The following CARMIL1 variants were observed in gnomAD, a reference collection of about 807,000 sequenced individuals.
CARMIL1 encodes the protein capping protein regulator and myosin 1 linker 1.
Under a neutral mutation model 177.1 loss-of-function variants are expected in CARMIL1, and 90 were observed. That is an observed-to-expected ratio of 0.51 (90% CI 0.43 to 0.61). CARMIL1 has a LOEUF of 0.61. CARMIL1 is among the 20% of genes least tolerant of loss of function. The pLI is 0.00. For synonymous variants in CARMIL1, 577 were observed against 606.2 expected, an observed-to-expected ratio of 0.95 and a Z score of 0.71; for missense variants, 1,380 against 1,667.0, an observed-to-expected ratio of 0.83 and a Z score of 3.00.
At chr6:25,306,348 A>C (rs1237640108) in intron 2 of CARMIL1, among the ~76,000 whole-genome samples, 3 of 152,142 alleles carry the variant, frequency 2.0e-5, no homozygotes, top group Non-Finnish European at 4.4e-5. Flanking sequence ...ACCTCCTGTC[A>C]GATCAGCGGT....
intron 11 of CARMIL1, among the ~76,000 whole-genome samples, chr6:25,474,563 T>C (rs1464730891): frequency 6.6e-6 from 1 of 152,210 alleles, no homozygotes; most frequent in Non-Finnish European, 1.5e-5. Context: ...TCATCTAAAG[T>C]AGTGAATCTA....
chr6:25,538,012 T>C (rs746704311), intron 25 of CARMIL1, 29 bp downstream of exon 25: 3 of 1,564,756 alleles, frequency 1.9e-6, no homozygotes, highest in Non-Finnish European at 2.6e-6. Flanking sequence ...TGTGTGAGAG[T>C]CTGGTATAAT....
intron 2 of CARMIL1, among the ~76,000 whole-genome samples, chr6:25,315,503 A>T (rs532223002): frequency 6.8e-4 from 103 of 152,336 alleles, no homozygotes; most frequent in African/African-American, 2.4e-3. Flanking sequence ...GGGCCCGAGC[A>T]GGGCACTGGC....
At chr6:25,604,102 C>G (rs1407884180) in intron 33 of CARMIL1, among the ~76,000 whole-genome samples, 1 of 152,152 alleles carries the variant, frequency 6.6e-6, no homozygotes, top group South Asian at 2.1e-4. Context: ...GATAAGGTCT[C>G]GCTCTGTCAC....
At chr6:25,367,024 T>G (rs948391662) in intron 2 of CARMIL1, among the ~76,000 whole-genome samples, 2 of 152,212 alleles carry the variant, frequency 1.3e-5, no homozygotes, top group Admixed American at 1.3e-4. Context: ...CAGTTACTCA[T>G]AGTAGCATTC....
intron 2 of CARMIL1, among the ~76,000 whole-genome samples, chr6:25,355,717 G>A (rs1788527092): frequency 6.6e-6 from 1 of 152,100 alleles, no homozygotes; most frequent in African/African-American, 2.4e-5. Context: ...AAACCTCTCA[G>A]AATAAATGCC....
intron 2 of CARMIL1, among the ~76,000 whole-genome samples, chr6:25,412,993 A>T (rs566516797): frequency 5.2e-4 from 79 of 152,328 alleles, no homozygotes; most frequent in Non-Finnish European, 8.7e-4. Flanking sequence ...GATGATGTTC[A>T]TCATAGCTGA....
intron 5 of CARMIL1, among the ~76,000 whole-genome samples, chr6:25,444,283 G>A (rs1369444888): frequency 1.3e-5 from 2 of 150,322 alleles, no homozygotes; most frequent in African/African-American, 2.5e-5. Context: ...GTAAGTTTAC[G>A]AAATATTCTA....
At chr6:25,496,612 A>G (rs1019823050) in intron 16 of CARMIL1, among the ~76,000 whole-genome samples, 1 of 152,190 alleles carries the variant, frequency 6.6e-6, no homozygotes. Flanking sequence ...TAAACACCTC[A>G]TGATTTGGCC....
At chr6:25,615,321 A>G (rs571973564) in intron 36 of CARMIL1, among the ~76,000 whole-genome samples, 29 of 152,352 alleles carry the variant, frequency 1.9e-4, no homozygotes, top group African/African-American at 6.3e-4. Flanking sequence ...AGCATGCTGC[A>G]TATTTTTATC....
chr6:25,536,679 A>G (rs1270789930), intron 24 of CARMIL1, among the ~76,000 whole-genome samples: 2 of 152,196 alleles, frequency 1.3e-5, no homozygotes, highest in Non-Finnish European at 2.9e-5. Flanking sequence ...GCAGTGCTAC[A>G]GCAAGTAGAC....
rs75673308 is a variant in CARMIL1 at position 25,397,787 on chromosome 6, A to C, written c.139-22327A>C. On this transcript the variant is annotated intron_variant, in intron 2 of 36. Transcript: ENST00000329474. ...CTAATGGACTCCTAGGTATTCCATC[A>C]CTCAGCTTAATTTTCTCGGGGAATA... Among the ~76,000 whole-genome samples, 30 of 151,272 alleles carry C rather than the reference A, an allele frequency of 2.0e-4. No homozygotes were observed. The East Asian group carries it at 5.8e-3, about 29-fold the overall frequency.
intron 8 of CARMIL1, among the ~76,000 whole-genome samples, chr6:25,464,862 A>C (rs961061941): frequency 1.3e-5 from 2 of 152,138 alleles, no homozygotes; most frequent in Non-Finnish European, 2.9e-5. Context: ...TCTGAATGTG[A>C]AATTGCACAT....
At chr6:25,377,262 G>A (rs1230110429) in intron 2 of CARMIL1, among the ~76,000 whole-genome samples, 1 of 152,182 alleles carries the variant, frequency 6.6e-6, no homozygotes, top group African/African-American at 2.4e-5. Context: ...TGGCTGTTGG[G>A]GTAGAGCCAC....
intron 5 of CARMIL1, among the ~76,000 whole-genome samples, chr6:25,443,065 G>C (rs1327989514): frequency 6.6e-6 from 1 of 152,126 alleles, no homozygotes; most frequent in Non-Finnish European, 1.5e-5. Context: ...ATCATCAAAA[G>C]AGCATGGCCT....
intron 2 of CARMIL1, among the ~76,000 whole-genome samples, chr6:25,336,049 A>G (rs904438239): frequency 6.6e-6 from 1 of 152,022 alleles, no homozygotes; most frequent in Non-Finnish European, 1.5e-5. Context: ...TTGTTTTGCA[A>G]CTTGCTTCCT....
intron 2 of CARMIL1, among the ~76,000 whole-genome samples, chr6:25,349,270 T>C (rs1787860083): frequency 1.3e-5 from 2 of 152,176 alleles, no homozygotes; most frequent in African/African-American, 4.8e-5. Context: ...GGCTTTGCAA[T>C]GTAGGAGGAA....
chr6:25,435,445 G>T (rs1415765342), intron 4 of CARMIL1, 38 bp from the exon 5 acceptor site: 1 of 1,543,580 alleles, frequency 6.5e-7, no homozygotes, highest in Non-Finnish European at 8.8e-7. Context: ...GGAAGGAATT[G>T]GACTCATTCT....
At chr6:25,307,893 A>G (rs370059856) in intron 2 of CARMIL1, among the ~76,000 whole-genome samples, 188 of 111,442 alleles carry the variant, frequency 1.7e-3, no homozygotes, top group African/African-American at 5.7e-3. Flanking sequence ...TTTGCTTTTA[A>G]TAGATAACCA....
Sources: allele counts gnomAD v4.1 joint callset (sites outside exome capture counted in the v4.1 genomes callset), GRCh38; gene constraint gnomAD v4.1.1; transcripts MANE v1.5; gene names NCBI Gene and HGNC (gene_info 2026-07-23, HGNC 2026-07-21).